DNMBP: variants seen among roughly 807,000 people sequenced by gnomAD.
DNMBP encodes dynamin binding protein.
Under a neutral mutation model 150.0 loss-of-function variants are expected in DNMBP, and 87 were observed. That is an observed-to-expected ratio of 0.58 (90% CI 0.49 to 0.69). DNMBP has a LOEUF of 0.69. DNMBP is among the 30% of genes least tolerant of loss of function. The probability of loss-of-function intolerance (pLI) is 0.00; values close to 1 mark genes in which losing one functional copy is unlikely to be tolerated. For synonymous variants in DNMBP, 711 were observed against 750.4 expected (o/e 0.95, Z 0.86); for missense variants, 1,774 against 1,949.0 (o/e 0.91, Z 1.69).
intron 4 of DNMBP, among the ~76,000 whole-genome samples, chr10:99,943,672 C>A (rs2040327187): frequency 1.3e-5 from 2 of 152,152 alleles, no homozygotes; most frequent in African/African-American, 4.8e-5. Flanking sequence ...GCATGAACTA[C>A]CACACACAGG....
intron 4 of DNMBP, among the ~76,000 whole-genome samples, chr10:99,943,020 C>A (rs2040317322): frequency 6.6e-6 from 1 of 152,132 alleles, no homozygotes; most frequent in South Asian, 2.1e-4. Flanking sequence ...TGGTGGCTTA[C>A]ACCTGTAATC....
intron 12 of DNMBP, among the ~76,000 whole-genome samples, chr10:99,888,008 G>A (rs769704601): frequency 3.3e-5 from 5 of 152,032 alleles, no homozygotes; most frequent in Non-Finnish European, 7.4e-5. Flanking sequence ...ATTTTTAGTA[G>A]AGACAGGGTT....
At chr10:99,969,001 G>A (rs1222353371) in intron 3 of DNMBP, 114 bp downstream of exon 3, 34 of 1,234,496 alleles carry the variant, frequency 2.8e-5, no homozygotes, top group South Asian at 8.4e-5. Flanking sequence ...TGGTATTGCC[G>A]AGGACTCTCT....
At chr10:100,007,665 C>A (rs1357517570) in intron 1 of DNMBP, among the ~76,000 whole-genome samples, 1 of 152,200 alleles carries the variant, frequency 6.6e-6, no homozygotes. Context: ...CTCTATTTCA[C>A]CTCCCACAGC....
chr10:99,933,207 G>A (rs1315552167), intron 4 of DNMBP, among the ~76,000 whole-genome samples: 1 of 151,486 alleles, frequency 6.6e-6, no homozygotes, highest in Non-Finnish European at 1.5e-5. Flanking sequence ...GAGGCAGGAG[G>A]ATTGCTTGAG....
In DNMBP at chr10:99,899,966, C is replaced by A. The variant is rs1004300641; in HGVS notation, c.2655G>T (p.Lys885Asn). 3 of 1,614,006 alleles carry A rather than the reference C, an allele frequency of 1.9e-6. No individual in the cohort carries two copies. Among genetic ancestry groups the A allele is most frequent in the Non-Finnish European group, 2.5e-6 (3 of 1,180,032 alleles). ...GAAGATGCTTCTGGATCTTCTCATC[C>A]TTCTCGTAGATTTCAAGCAGCGCAA... ...EAIALLEIYE[K>N]DEKIQKHLQD... The change falls in exon 7 of 17, where the codon AAG (lysine) becomes AAT (asparagine). Residue 885 changes from lysine to asparagine, a missense_variant. Around this residue, in one of 2 missense-constraint regions of DNMBP, gnomAD observed 1,430 missense variants for 1,492.5 expected, o/e 0.96. Coordinates refer to ENST00000324109, the MANE Select transcript of DNMBP (RefSeq NM_015221.4).
chr10:99,924,024 C>G (rs2040051301), intron 4 of DNMBP, among the ~76,000 whole-genome samples: 1 of 152,038 alleles, frequency 6.6e-6, no homozygotes. Context: ...CATGGTGGTG[C>G]ATACCTGTAA....
chr10:100,002,102 G>A (rs573477888), intron 1 of DNMBP, among the ~76,000 whole-genome samples: 1 of 152,140 alleles, frequency 6.6e-6, no homozygotes, highest in East Asian at 1.9e-4. Context: ...CCCTGAAAAA[G>A]GAGGGGTGAT....
At chr10:99,907,945 C>G in intron 6 of DNMBP, 50 bp downstream of exon 6, 1 of 1,418,478 alleles carries the variant, frequency 7.0e-7, no homozygotes, top group African/African-American at 1.4e-5. Context: ...TACTCCTGCC[C>G]ATGAAGTTTT....
chr10:99,930,928 T>C (rs1250901545), intron 4 of DNMBP: 1 of 513,394 alleles, frequency 1.9e-6, no homozygotes, highest in Non-Finnish European at 3.4e-6. Flanking sequence ...CAGTGAGATG[T>C]GGAGTTATTT....
chr10:99,938,876 C>A (rs145581763), intron 4 of DNMBP, among the ~76,000 whole-genome samples: 8 of 152,216 alleles, frequency 5.3e-5, no homozygotes, highest in African/African-American at 1.9e-4. Flanking sequence ...CCTTCAGCAC[C>A]CCCTCTCACT....
chr10:99,971,836 T>TTTTCTTTC (rs528834177), intron 2 of DNMBP, 144 bp downstream of exon 2: 8 of 871,416 alleles, frequency 9.2e-6, no homozygotes, highest in Non-Finnish European at 1.4e-5. Context: ...CTAGGAATAA[T>TTTTCTTTC]TTTCTTTCTT....
At chr10:99,981,885 C>T (rs1276958279) in intron 1 of DNMBP, among the ~76,000 whole-genome samples, 1 of 152,212 alleles carries the variant, frequency 6.6e-6, no homozygotes, top group African/African-American at 2.4e-5. Flanking sequence ...TTAAACACCA[C>T]AGCTACCATA....
intron 1 of DNMBP, among the ~76,000 whole-genome samples, chr10:99,997,927 CAAAAAAAAAAAA>C (rs71009798): frequency 4.5e-5 from 1 of 22,326 alleles, no homozygotes; most frequent in East Asian, 1.8e-3. Context: ...GACTCTGTCT[CAAAAAAAAAAAA>C]AAAAAAAAAA....
At chr10:99,984,076 G>A (rs552256860) in intron 1 of DNMBP, among the ~76,000 whole-genome samples, 157 of 152,214 alleles carry the variant, frequency 1.0e-3, no homozygotes, top group African/African-American at 3.6e-3. Context: ...CAGCGTCTAC[G>A]CCACCCATAT....
At chr10:100,005,785 C>CAAAAAAAAAAA in intron 1 of DNMBP, among the ~76,000 whole-genome samples, 1 of 108,500 alleles carries the variant, frequency 9.2e-6, no homozygotes, top group Non-Finnish European at 1.8e-5. Flanking sequence ...AAAAAAAAAA[C>CAAAAAAAAAAA]CAAACTACAT....
chr10:99,931,840 G>T (rs1307708730), intron 4 of DNMBP, among the ~76,000 whole-genome samples: 1 of 152,220 alleles, frequency 6.6e-6, no homozygotes, highest in Non-Finnish European at 1.5e-5. Flanking sequence ...AACAGCAACA[G>T]CACCAAAGCA....
chr10:99,881,987 A>G (rs1220847718), intron 15 of DNMBP, among the ~76,000 whole-genome samples: 1 of 152,182 alleles, frequency 6.6e-6, no homozygotes, highest in African/African-American at 2.4e-5. Context: ...CATACTACAT[A>G]TTTTGTAAAA....
rs552702605 is a variant in DNMBP, at chr10:99,929,961, T to C, written c.2261-20815A>G. 1,121 of 702,916 alleles carry C rather than the reference T, an allele frequency of 1.6e-3. 24 individuals are homozygous for C. The highest frequency in any genetic ancestry group is 0.013 in the South Asian group (892 of 67,526). The allele number at this position is 702,916 out of a possible 1,614,324, so 43.5% of individuals were successfully genotyped here. ...TGCACAGTTTGCAAATAAAGCATCA[T>C]AGCCTTTATTTTCTGTATCAAAATC... On this transcript the variant is annotated intron_variant, in intron 4 of 16. Coordinates refer to ENST00000324109, the MANE Select transcript of DNMBP (RefSeq NM_015221.4).
Sources: gnomAD v4.1 joint callset for allele counts (sites outside exome capture counted in the v4.1 genomes callset) on GRCh38, gnomAD v4.1.1 for gene constraint, gnomAD v4.1.1 regional missense constraint, MANE v1.5 for transcripts, NCBI Gene and HGNC (gene_info 2026-07-23, HGNC 2026-07-21) for gene names.